The following TRAF3IP2 variants were observed in gnomAD, a reference collection of about 807,000 sequenced individuals.
TRAF3IP2 encodes E3 ubiquitin ligase TRAF3IP2.
In TRAF3IP2, 35 loss-of-function variants were observed where a neutral mutation model predicts 57.9. The observed-to-expected ratio is 0.60, with a 90% CI of 0.46 to 0.80. The LOEUF (loss-of-function observed/expected upper bound fraction) is 0.80, where lower values mean the gene tolerates loss of function less well. Ranked by LOEUF, TRAF3IP2 falls within the 30% of genes least tolerant of loss-of-function variation. The probability of loss-of-function intolerance (pLI) is 0.00; values close to 1 mark genes in which losing one functional copy is unlikely to be tolerated. For synonymous variants in TRAF3IP2, 251 were observed against 268.9 expected (o/e 0.93, Z 0.65); for missense variants, 556 against 706.4 (o/e 0.79, Z 2.41).
At chr6:111,597,682 T>C (rs1298093967) in intron 1 of TRAF3IP2, among the ~76,000 whole-genome samples, 1 of 152,040 alleles carries the variant, frequency 6.6e-6, no homozygotes, top group Non-Finnish European at 1.5e-5. Flanking sequence ...CAGCAGAGGG[T>C]GAGAGCATGT....
chr6:111,599,211 C>G (rs1286918087), intron 1 of TRAF3IP2, among the ~76,000 whole-genome samples: 1 of 151,890 alleles, frequency 6.6e-6, no homozygotes, highest in East Asian at 1.9e-4. Context: ...CCCAGCCTGA[C>G]AGTAGCTTTT....
intron 2 of TRAF3IP2, among the ~76,000 whole-genome samples, chr6:111,590,353 G>C (rs970006401): frequency 2.0e-5 from 3 of 152,192 alleles, no homozygotes; most frequent in African/African-American, 7.2e-5. Flanking sequence ...AACAGGGCCA[G>C]AGCAGGAGGG....
At chr6:111,562,172 C>T (rs1245463354) in intron 8 of TRAF3IP2, among the ~76,000 whole-genome samples, 1 of 152,264 alleles carries the variant, frequency 6.6e-6, no homozygotes, top group Non-Finnish European at 1.5e-5. Context: ...ATTCTCCAAA[C>T]TTGCTGGCAG....
At chr6:111,588,784 A>G (rs1382525066) in intron 2 of TRAF3IP2, among the ~76,000 whole-genome samples, 1 of 152,254 alleles carries the variant, frequency 6.6e-6, no homozygotes, top group Non-Finnish European at 1.5e-5. Flanking sequence ...TAAATGTCCA[A>G]CAATAAAGAA....
chr6:111,572,597 C>G (rs74957515), intron 5 of TRAF3IP2: 26,080 of 279,114 alleles, frequency 0.093, 1,489 homozygotes, highest in Non-Finnish European at 0.12. Context: ...GCAGCAAGAG[C>G]CCGGCGTTTC....
At chr6:111,596,364 T>C (rs995826745) in intron 1 of TRAF3IP2, among the ~76,000 whole-genome samples, 5 of 152,242 alleles carry the variant, frequency 3.3e-5, no homozygotes, top group Admixed American at 3.3e-4. Context: ...TAGATCATGG[T>C]TCACTGCAGC....
chr6:111,591,424 C>T lies in TRAF3IP2; in HGVS notation c.663G>A (p.Val221=). The T allele has an allele frequency of 6.4e-7, 1 of 1,571,100 alleles. No homozygotes were observed. The highest frequency in any genetic ancestry group is 2.2e-5 in the East Asian group (1 of 44,550). The change falls in exon 2 of 9, where the codon GTG becomes GTA. Residue 221 remains valine, a synonymous_variant. Coordinates refer to ENST00000368761, the MANE Select transcript of TRAF3IP2 (RefSeq NM_147686.4). This position sits in a 1 kb window ranked among gnomAD's most constrained non-coding sequence, Gnocchi z 4.9. The part of the protein sequence containing the change: ...QLERPLPLTS[V]CYPQDLPRPL... ...GTCTGGGGAGGTCCTGGGGGTAACACACGGAGGTGAGGGGCAGGGGCCTTT... is the reference window on the plus strand; with the variant it reads ...GTCTGGGGAGGTCCTGGGGGTAACATACGGAGGTGAGGGGCAGGGGCCTTT...
At chr6:111,590,177 G>A (rs1008477396) in intron 2 of TRAF3IP2, among the ~76,000 whole-genome samples, 3 of 152,156 alleles carry the variant, frequency 2.0e-5, no homozygotes, top group Admixed American at 6.5e-5. Context: ...TTATTATTTC[G>A]GAAGTAGTTT....
intron 1 of TRAF3IP2, chr6:111,600,673 T>C (rs938517082): frequency 6.6e-6 from 1 of 152,240 alleles, no homozygotes; most frequent in Non-Finnish European, 1.5e-5. Context: ...TTTAAACATA[T>C]AAAAACCATT....
rs1397747540 is a variant in TRAF3IP2 at position 111,557,439 on chromosome 6, T to C, written c.*1966A>G. 1 of 146,962 alleles carries C rather than the reference T, an allele frequency of 6.8e-6. No homozygotes were observed. The allele number at this position is 146,962 out of a possible 1,614,324, so 9.1% of individuals were successfully genotyped here. A position where few individuals can be genotyped will look rare whatever the true frequency, so the allele number is the denominator to read the frequency against. On this transcript the variant is annotated 3_prime_UTR_variant, in exon 9 of 9. Coordinates refer to ENST00000368761, the MANE Select transcript of TRAF3IP2 (RefSeq NM_147686.4). ...TATTGTTGAAGTTTTTTTTTTTTTTTTTTTTTTTGAGACGGAGTCTCACTC... is the reference window on the plus strand; with the variant it reads ...TATTGTTGAAGTTTTTTTTTTTTTTCTTTTTTTTGAGACGGAGTCTCACTC...
At chr6:111,565,923 T>C (rs565518321) in intron 7 of TRAF3IP2, among the ~76,000 whole-genome samples, 1 of 152,322 alleles carries the variant, frequency 6.6e-6, no homozygotes, top group South Asian at 2.1e-4. Context: ...ATTTTGTGAA[T>C]AGGGACATTG....
chr6:111,600,312 C>T (rs1183595190), intron 1 of TRAF3IP2: 1 of 152,176 alleles, frequency 6.6e-6, no homozygotes, highest in South Asian at 2.1e-4. Flanking sequence ...TTTTAACAAA[C>T]GTGTATATAT....
intron 2 of TRAF3IP2, among the ~76,000 whole-genome samples, chr6:111,588,284 T>G (rs1475407491): frequency 6.6e-6 from 1 of 152,126 alleles, no homozygotes; most frequent in African/African-American, 2.4e-5. Context: ...ACACCTCTTT[T>G]CGCCCCAAGG....
At chr6:111,580,090 C>G in intron 3 of TRAF3IP2, 107 bp downstream of exon 3, 1 of 1,335,234 alleles carries the variant, frequency 7.5e-7, no homozygotes, top group Non-Finnish European at 1.0e-6. Flanking sequence ...GACTTGCTCA[C>G]TAACGTGGGT....
intron 5 of TRAF3IP2, among the ~76,000 whole-genome samples, chr6:111,571,491 C>T (rs961081262): frequency 2.6e-5 from 4 of 152,090 alleles, no homozygotes; most frequent in African/African-American, 9.7e-5. Flanking sequence ...GGATTACAGG[C>T]ATGAGCCACC....
At chr6:111,559,740 C>T (rs1363226562) in intron 8 of TRAF3IP2, among the ~76,000 whole-genome samples, 189 bp from the exon 9 acceptor site, 1 of 152,202 alleles carries the variant, frequency 6.6e-6, no homozygotes, top group Non-Finnish European at 1.5e-5. Flanking sequence ...CGGGTACAAG[C>T]TGTATATCTC....
intron 1 of TRAF3IP2, among the ~76,000 whole-genome samples, chr6:111,597,662 G>A (rs174393): frequency 0.65 from 98,770 of 151,752 alleles, 32,794 homozygotes; most frequent in Admixed American, 0.73. Flanking sequence ...AAAATACAAA[G>A]AAAACCATTC....
chr6:111,592,990 T>C (rs1796567360), intron 1 of TRAF3IP2, among the ~76,000 whole-genome samples: 1 of 152,206 alleles, frequency 6.6e-6, no homozygotes. Context: ...GCAATATTGC[T>C]TTTAGCTGTA....
chr6:111,585,896 C>T (rs994025344), intron 2 of TRAF3IP2, among the ~76,000 whole-genome samples: 3 of 152,182 alleles, frequency 2.0e-5, no homozygotes, highest in Non-Finnish European at 4.4e-5. Flanking sequence ...TGAGTACACA[C>T]GATCTTCATG....
Sources: gnomAD v4.1 joint callset for allele counts (sites outside exome capture counted in the v4.1 genomes callset) on GRCh38, gnomAD v4.1.1 for gene constraint, Gnocchi (gnomAD v3.1) non-coding constraint, MANE v1.5 for transcripts, NCBI Gene and HGNC (gene_info 2026-07-23, HGNC 2026-07-21) for gene names.